Variants in TRHDE observed in about 807,000 individuals in gnomAD.
TRHDE encodes the protein thyrotropin-releasing hormone-degrading ectoenzyme.
A neutral mutation model predicts 125.7 loss-of-function variants in TRHDE; 72 were observed. The ratio of observed to expected loss-of-function variants is 0.57; its 90% CI spans 0.47 to 0.70. The LOEUF (loss-of-function observed/expected upper bound fraction) is 0.70, where lower values mean the gene tolerates loss of function less well. Ranked by LOEUF, TRHDE falls within the 30% of genes least tolerant of loss-of-function variation. TRHDE has a pLI of 0.00. For synonymous variants in TRHDE, 509 were observed against 509.1 expected (o/e 1.00, Z 0.00); for missense variants, 1,110 against 1,327.1 (o/e 0.84, Z 2.54).
At chr12:72,334,335 C>CA (rs1869736196) in intron 2 of TRHDE, among the ~76,000 whole-genome samples, 1 of 152,274 alleles carries the variant, frequency 6.6e-6, no homozygotes, top group Non-Finnish European at 1.5e-5. Context: ...GATATAAGAA[C>CA]AGTGTATTTT....
intron 2 of TRHDE, among the ~76,000 whole-genome samples, chr12:72,347,023 T>C (rs1870355995): frequency 6.6e-6 from 1 of 152,080 alleles, no homozygotes; most frequent in African/African-American, 2.4e-5. Flanking sequence ...TGTATCCAAA[T>C]TGTCTGCTTT....
At chr12:72,418,909 G>C (rs1420392478) in intron 3 of TRHDE, among the ~76,000 whole-genome samples, 1 of 152,144 alleles carries the variant, frequency 6.6e-6, no homozygotes, top group Non-Finnish European at 1.5e-5. Flanking sequence ...GAAGGCTTCA[G>C]AACAATCTCT....
intron 2 of TRHDE, among the ~76,000 whole-genome samples, chr12:72,121,949 G>C (rs1875592550): frequency 6.6e-6 from 1 of 151,798 alleles, no homozygotes; most frequent in Admixed American, 6.6e-5. Context: ...AGCCAGGCCA[G>C]CTCTCTGTGC....
At chr12:72,498,992 T>TG in intron 5 of TRHDE, among the ~76,000 whole-genome samples, 1 of 150,080 alleles carries the variant, frequency 6.7e-6, no homozygotes, top group Non-Finnish European at 1.5e-5. Context: ...TGTGTGTGTG[T>TG]TTTGTGTGAG....
At chr12:72,649,225 A>G (rs1874405819) in intron 15 of TRHDE, among the ~76,000 whole-genome samples, 1 of 152,102 alleles carries the variant, frequency 6.6e-6, no homozygotes, top group Admixed American at 6.6e-5. Flanking sequence ...ATAAAGCCAA[A>G]AATAAATTCA....
At chr12:72,154,344 A>G (rs1183560444) in intron 2 of TRHDE, among the ~76,000 whole-genome samples, 1 of 151,394 alleles carries the variant, frequency 6.6e-6, no homozygotes, top group Non-Finnish European at 1.5e-5. Context: ...TCTTGACTCT[A>G]TCCAATTTGC....
intron 2 of TRHDE, among the ~76,000 whole-genome samples, chr12:72,370,329 A>G (rs73342673): frequency 0.065 from 9,942 of 152,178 alleles, 706 homozygotes; most frequent in African/African-American, 0.17. Context: ...CTGGACTTCT[A>G]CAATAGTCTA....
At chr12:72,465,190 A>AT (rs372768740) in intron 3 of TRHDE, among the ~76,000 whole-genome samples, 86 of 152,170 alleles carry the variant, frequency 5.7e-4, no homozygotes, top group African/African-American at 2.0e-3. Flanking sequence ...ACAAAAGAAT[A>AT]TTTTTGTTAC....
At chr12:72,230,116 A>C (rs565251345) in intron 2 of TRHDE, among the ~76,000 whole-genome samples, 1 of 152,208 alleles carries the variant, frequency 6.6e-6, no homozygotes, top group African/African-American at 2.4e-5. Context: ...TGTTGTGCCC[A>C]TGAGAACAAA....
chr12:72,443,540 A>G (rs1044066462), intron 3 of TRHDE, among the ~76,000 whole-genome samples: 2 of 151,836 alleles, frequency 1.3e-5, no homozygotes, highest in Non-Finnish European at 2.9e-5. Context: ...AACAATGGTA[A>G]TGAAGTAAAC....
At chr12:72,421,892 T>G (rs762060437) in intron 3 of TRHDE, among the ~76,000 whole-genome samples, 2 of 152,154 alleles carry the variant, frequency 1.3e-5, no homozygotes, top group Non-Finnish European at 2.9e-5. Context: ...AAAGCTGTAA[T>G]GGTTATATAC....
chr12:72,332,472 G>A (rs1207101286), intron 2 of TRHDE, among the ~76,000 whole-genome samples: 1 of 152,040 alleles, frequency 6.6e-6, no homozygotes, highest in Non-Finnish European at 1.5e-5. Flanking sequence ...TCTTGAGTGA[G>A]AACCCACTTA....
intron 10 of TRHDE, among the ~76,000 whole-genome samples, chr12:72,571,073 C>T (rs1003658773): frequency 6.9e-6 from 1 of 145,554 alleles, no homozygotes; most frequent in Admixed American, 6.7e-5. Context: ...CTTTTCAGTT[C>T]CAGTTTAATT....
At chr12:72,293,294 G>T (rs574886326) in intron 2 of TRHDE, among the ~76,000 whole-genome samples, 3 of 152,004 alleles carry the variant, frequency 2.0e-5, no homozygotes, top group Non-Finnish European at 4.4e-5. Context: ...CCCACTCTGG[G>T]TTGTCTGTTT....
chr12:72,321,231 A>G (rs1415830688), intron 2 of TRHDE, among the ~76,000 whole-genome samples: 1 of 152,182 alleles, frequency 6.6e-6, no homozygotes, highest in Admixed American at 6.6e-5. Flanking sequence ...AGTGATAGAA[A>G]CTGAGATAAC....
chr12:72,479,281 GTTC>G (rs1877047882), intron 5 of TRHDE, among the ~76,000 whole-genome samples: 1 of 152,066 alleles, frequency 6.6e-6, no homozygotes. Context: ...TGCACTTGTA[GTTC>G]TTATATAAAA....
At chr12:72,107,206 T>C (rs979927759) in intron 2 of TRHDE, among the ~76,000 whole-genome samples, 4 of 152,158 alleles carry the variant, frequency 2.6e-5, no homozygotes, top group Admixed American at 2.6e-4. Flanking sequence ...GGAGTAACAG[T>C]TAATTTTGGT....
In TRHDE at chr12:72,219,005, A is replaced by G. The variant is rs1022940915; in HGVS notation, n.279+113253A>G. Among the ~76,000 whole-genome samples, 64 of 152,316 alleles carry G rather than the reference A, an allele frequency of 4.2e-4. 1 individual carries two copies. Among genetic ancestry groups the G allele is most frequent in the African/African-American group, 1.4e-3 (57 of 41,582 alleles). ...CCAATCTAAATTTTGCCAGAGAGCAAAGAAATAAAAGAATCAATGACAATA... is the reference window on the plus strand; with the variant it reads ...CCAATCTAAATTTTGCCAGAGAGCAGAGAAATAAAAGAATCAATGACAATA... On this transcript the variant is annotated intron_variant and non_coding_transcript_variant, in intron 2 of 4. Transcript: ENST00000548156.
chr12:72,267,892 C>A (rs909794410), upstream of TRHDE, among the ~76,000 whole-genome samples: 9 of 151,982 alleles, frequency 5.9e-5, no homozygotes, highest in African/African-American at 2.2e-4. Flanking sequence ...TTAAATAATT[C>A]TTTCCTTATC....
Sources: gnomAD v4.1 joint callset for allele counts (sites outside exome capture counted in the v4.1 genomes callset) on GRCh38, gnomAD v4.1.1 for gene constraint, MANE v1.5 for transcripts, NCBI Gene and HGNC (gene_info 2026-07-23, HGNC 2026-07-21) for gene names.